PFKL: variants seen among roughly 807,000 people sequenced by gnomAD.
PFKL encodes ATP-dependent 6-phosphofructokinase, liver type.
A neutral mutation model predicts 92.1 loss-of-function variants in PFKL; 74 were observed. The ratio of observed to expected loss-of-function variants is 0.80; its 90% CI spans 0.67 to 0.97. PFKL has a LOEUF of 0.97. Ranked by LOEUF, PFKL falls within the 50% of genes least tolerant of loss-of-function variation. The pLI is 0.00. For missense variants in PFKL, 1,028 were observed against 1,116.6 expected, an observed-to-expected ratio of 0.92 and a Z score of 1.13; for synonymous variants, 494 against 456.4, an observed-to-expected ratio of 1.08 and a Z score of -1.05.
Position 44,322,218 on chromosome 21 carries a change from G to T in PFKL, c.1409+15G>T. 6.3e-7 allele frequency: 1 copy of T among 1,595,658 alleles called. No homozygotes were observed. Among genetic ancestry groups the T allele is most frequent in the South Asian group, 1.1e-5 (1 of 90,554 alleles). ...GGGACCAAGAGGTGAGCTGCCTGCT[G>T]CGGGTACCTGGGGGCAGGAGGGCCA... On this transcript the variant is annotated intron_variant, in intron 14 of 21. Transcript: ENST00000349048.
intron 19 of PFKL, 93 bp downstream of exon 19, chr21:44,325,357 C>A: frequency 1.2e-6 from 1 of 825,538 alleles, no homozygotes; most frequent in East Asian, 2.6e-5. Context: ...CACGGGCACC[C>A]ACGGGCACTC....
At chr21:44,325,834 G>C in intron 19 of PFKL, 127 bp from the exon 20 acceptor site, 1 of 656,910 alleles carries the variant, frequency 1.5e-6, no homozygotes, top group Non-Finnish European at 2.7e-6. Flanking sequence ...ACGGTGCACG[G>C]GTTGGAAGGA....
rs1348631200 is a variant in PFKL, at chr21:44,311,037, A to C, written c.191A>C (p.Asn64Thr). ...GAGGGCCTCGTGGAGGGAGGTGAGA[A>C]CATCAAGCAGGCCAACTGGCTGAGC... ...GYEGLVEGGE[N>T]IKQANWLSVS... Residue 64 changes from asparagine to threonine, a missense_variant, in exon 3 of 22, where the codon AAC becomes ACC. By Grantham distance (65) the Asn-to-Thr change is moderately conservative (BLOSUM62 0). Transcript: ENST00000349048. 2 of 1,613,118 alleles carry C rather than the reference A, an allele frequency of 1.2e-6. No homozygotes were observed. The highest frequency in any genetic ancestry group is 1.7e-5 in the Admixed American group (1 of 59,948).
chr21:44,321,148 C>T (rs2047344375), intron 12 of PFKL: 1 of 152,206 alleles, frequency 6.6e-6, no homozygotes, highest in Non-Finnish European at 1.5e-5. Context: ...TGGCTGCTGC[C>T]AAGTGGGATG....
chr21:44,319,738 G>T (rs535488369), intron 11 of PFKL: 1 of 530,850 alleles, frequency 1.9e-6, no homozygotes, highest in Non-Finnish European at 3.4e-6. Flanking sequence ...GTTGGGTGTG[G>T]GTACCACCCC....
At position 44,323,822 on chromosome 21, in the gene PFKL, C is replaced by T; in HGVS notation, c.1554C>T (p.Cys518=). 1.2e-6 allele frequency: 2 copies of T among 1,613,262 alleles called. No individual in the cohort carries two copies. The highest frequency in any genetic ancestry group is 1.7e-6 in the Non-Finnish European group (2 of 1,179,926). ...VEARGRYEEL[C]IVMCVIPATI... ...CTCGCGGGCGCTACGAGGAGCTCTG[C>T]ATCGTCATGTGTGTCATCCCAGCCA... The change falls in exon 16 of 22, where the codon TGC becomes TGT. Residue 518 remains cysteine (C), a synonymous_variant. Coordinates refer to ENST00000349048, the MANE Select transcript of PFKL (RefSeq NM_002626.6).
rs1235790105 is a variant in PFKL, at chr21:44,324,936, C to T, written c.1877+19C>T. On this transcript the variant is annotated intron_variant, in intron 18 of 21. Transcript: ENST00000349048. ...TGCTGCGGTGAGGCTGCCGTGGGTC[C>T]CTGGCCACAGCTGCGCGTCCAACTC... The T allele has an allele frequency of 3.8e-6, 6 of 1,592,736 alleles. No homozygotes were observed. In the South Asian group the frequency reaches 5.6e-5, roughly 15 times the overall value.
intron 1 of PFKL, 37 bp downstream of exon 1, chr21:44,300,227 G>T: frequency 1.0e-6 from 1 of 993,532 alleles, no homozygotes; most frequent in Non-Finnish European, 1.2e-6. Flanking sequence ...GGCGCAGGGG[G>T]TGGAGGGCGC....
At chr21:44,322,057 C>A in intron 13 of PFKL, 76 bp from the exon 14 acceptor site, 1 of 1,508,848 alleles carries the variant, frequency 6.6e-7, no homozygotes, top group South Asian at 1.2e-5. Context: ...GGCTGGCCCC[C>A]GGGCACAGGC....
chr21:44,306,028 G>T lies in PFKL; in HGVS notation c.86-653G>T, dbSNP rs898409555. 1.0e-5 allele frequency: 11 copies of T among 1,095,664 alleles called. No individual in the cohort carries two copies. In the Middle Eastern group the frequency reaches 1.1e-3, roughly 114 times the overall value. The allele number at this position is 1,095,664 out of a possible 1,614,324, so 67.9% of individuals were successfully genotyped here. On this transcript the variant is annotated intron_variant, in intron 1 of 21. Transcript: ENST00000349048. ...TGTTCTCAGTCCCCCATCTCATTGC[G>T]GAGGAAGGAGCCCAAGCCCCTTCCA... is the stretch of plus-strand genomic sequence containing the variant.
At chr21:44,316,830 T>C (rs1357018522) in intron 9 of PFKL, among the ~76,000 whole-genome samples, 3 of 152,130 alleles carry the variant, frequency 2.0e-5, no homozygotes, top group Non-Finnish European at 4.4e-5. Flanking sequence ...GCTTCTCCGT[T>C]CCCCTGCAGG....
chr21:44,321,986 C>T (rs893724977), intron 13 of PFKL, 111 bp downstream of exon 13: 7 of 1,443,192 alleles, frequency 4.9e-6, no homozygotes, highest in African/African-American at 4.3e-5. Flanking sequence ...CCTGGGTCCG[C>T]GTGTCGGTGC....
rs771969697 is a variant in PFKL at position 44,312,092 on chromosome 21, C to T, written c.238-13C>T. ...TGCCATCTCTCCTGAAGTTTCTGGT[C>T]TCCTCTGTGCAGGGCGGCACTATCA... On this transcript the variant is annotated splice_polypyrimidine_tract_variant and intron_variant, in intron 3 of 21. Transcript: ENST00000349048. 8 of 1,449,376 alleles carry T rather than the reference C, an allele frequency of 5.5e-6. No homozygotes were observed. The South Asian group carries it at 1.2e-4, about 21-fold the overall frequency. 89.8% of individuals were successfully genotyped at this position (1,449,376 alleles called of 1,614,324 possible).
chr21:44,314,272 C>T (rs2047138754), intron 7 of PFKL: 1 of 532,524 alleles, frequency 1.9e-6, no homozygotes, highest in Non-Finnish European at 3.4e-6. Flanking sequence ...GCCCCAGGCT[C>T]AGCCCCGTGG....
At chr21:44,316,049 G>A (rs533807390) in intron 7 of PFKL, 195 bp from the exon 8 acceptor site, 15 of 599,882 alleles carry the variant, frequency 2.5e-5, no homozygotes, top group Non-Finnish European at 3.9e-5. Flanking sequence ...CCAGGAGGGC[G>A]GGGCGTCCTA....
At chr21:44,300,624 C>CT (rs892752661) in intron 1 of PFKL, among the ~76,000 whole-genome samples, 1 of 152,224 alleles carries the variant, frequency 6.6e-6, no homozygotes, top group Non-Finnish European at 1.5e-5. Flanking sequence ...CTCCTCCCGG[C>CT]TGGGCGGGGG....
intron 1 of PFKL, among the ~76,000 whole-genome samples, chr21:44,306,106 G>GGCTTCTCCATCCCCGCC (rs2040933485): frequency 3.2e-4 from 49 of 151,432 alleles, no homozygotes; most frequent in Non-Finnish European, 6.1e-4. Flanking sequence ...CCATCCCCAC[G>GGCTTCTCCATCCCCGCC]CCGCAGCCTG....
chr21:44,313,182 T>G, intron 5 of PFKL, 39 bp downstream of exon 5: 1 of 1,606,068 alleles, frequency 6.2e-7, no homozygotes, highest in Non-Finnish European at 8.5e-7. Context: ...CCAGGGCCCC[T>G]CCTCCCCGCA....
chr21:44,317,136 A>C (rs931767935), intron 9 of PFKL, among the ~76,000 whole-genome samples: 2 of 152,146 alleles, frequency 1.3e-5, no homozygotes, highest in African/African-American at 4.8e-5. Context: ...GTTGGAGCCA[A>C]ATGGAGTGGG....
Sources: gnomAD v4.1 joint callset for allele counts (sites outside exome capture counted in the v4.1 genomes callset) on GRCh38, gnomAD v4.1.1 for gene constraint, MANE v1.5 for transcripts, NCBI Gene and HGNC (gene_info 2026-07-23, HGNC 2026-07-21) for gene names.